Variants in MCFD2 observed in about 807,000 individuals in gnomAD.
The protein encoded by MCFD2 is multiple coagulation factor deficiency 2, ER cargo receptor complex subunit.
In MCFD2, 11 loss-of-function variants were observed where a neutral mutation model predicts 12.8. The observed-to-expected ratio is 0.86, with a 90% CI of 0.54 to 1.42. The LOEUF (loss-of-function observed/expected upper bound fraction) is 1.42. MCFD2 is among the 40% of genes most tolerant of loss of function. The pLI, the probability that MCFD2 is intolerant of heterozygous loss-of-function variation, is 0.00. For missense variants in MCFD2, 191 were observed against 178.6 expected, an observed-to-expected ratio of 1.07 and a Z score of -0.40; for synonymous variants, 70 against 68.1, an observed-to-expected ratio of 1.03 and a Z score of -0.14.
chr2:46,940,665 T>C lies in MCFD2; in HGVS notation c.-8+907A>G, dbSNP rs1185603112. On this transcript the variant is annotated intron_variant, in intron 1 of 2. Coordinates refer to the MCFD2 transcript ENST00000409147. This position sits in a 1 kb window ranked among gnomAD's most constrained non-coding sequence, Gnocchi z 4.7. ...AGGTCAACGGGTTAGGGAAGTCAAG[T>C]TGGAAAGAGGAACTCCGCTAAAATA... 7.2e-5 allele frequency among the ~76,000 whole-genome samples: 11 copies of C among 152,170 alleles called. No individual in the cohort carries two copies. Among genetic ancestry groups the C allele is most frequent in the African/African-American group, 2.7e-4 (11 of 41,438 alleles).
upstream of MCFD2, chr2:46,916,078 A>T (rs1668771107): frequency 1.0e-6 from 1 of 985,380 alleles, no homozygotes; most frequent in Non-Finnish European, 1.2e-6. Context: ...GCCCTCAGGA[A>T]CGTAGTTCCA....
chr2:46,936,141 C>G (rs1256658881), intron 1 of MCFD2, among the ~76,000 whole-genome samples: 2 of 152,100 alleles, frequency 1.3e-5, no homozygotes, highest in African/African-American at 4.8e-5. Flanking sequence ...ATTTAGCTTC[C>G]CAAATACTGA....
At chr2:46,925,252 A>C (rs1190927512) in intron 1 of MCFD2, among the ~76,000 whole-genome samples, 1 of 152,110 alleles carries the variant, frequency 6.6e-6, no homozygotes, top group Non-Finnish European at 1.5e-5. Context: ...CACCACACCC[A>C]CTTGTTTTTT....
Position 46,905,468 on chromosome 2 carries a change from G to T in MCFD2, c.436C>A (p.Gln146Lys), listed in dbSNP as rs765992456. 30 of 1,612,284 alleles carry T rather than the reference G, an allele frequency of 1.9e-5. No homozygotes were observed. The highest frequency in any genetic ancestry group is 2.5e-5 in the Non-Finnish European group (30 of 1,179,896). Residue 146 changes from glutamine (Q) to lysine (K), a missense_variant, in exon 4 of 4, where the codon CAG becomes AAG. By Grantham distance (53) the Gln-to-Lys change is moderately conservative. Coordinates refer to ENST00000319466, the MANE Select transcript of MCFD2 (RefSeq NM_139279.6). Reference sequence around the variant, plus strand: ...AGGAGATGGCCAAATAACATCTACTGCAGTGATTTTGCAAATTCAGCATAG... The same window carrying T: ...AGGAGATGGCCAAATAACATCTACTTCAGTGATTTTGCAAATTCAGCATAG... ...IDYAEFAKSL[Q>K]
In MCFD2 at chr2:46,904,915, G is replaced by T. The variant is rs1241984267; in HGVS notation, c.*548C>A. The T allele has an allele frequency of 1.0e-5, 2 of 196,206 alleles. No homozygotes were observed. The highest frequency in any genetic ancestry group is 2.6e-4 in the East Asian group (2 of 7,790). The allele number at this position is 196,206 out of a possible 1,614,324, so 12.2% of individuals were successfully genotyped here. On this transcript the variant is annotated 3_prime_UTR_variant, in exon 4 of 4. Coordinates refer to ENST00000319466, the MANE Select transcript of MCFD2 (RefSeq NM_139279.6). ...CCCACCCAAATCTCAACTTGAAATT[G>T]TATCTACCAGAATTCCCACGTGTTG...
chr2:46,932,266 C>T (rs1669745904), intron 1 of MCFD2, among the ~76,000 whole-genome samples: 1 of 151,918 alleles, frequency 6.6e-6, no homozygotes, highest in Non-Finnish European at 1.5e-5. Flanking sequence ...TCCTGTGCCT[C>T]AGCCTCCCAA....
chr2:46,930,645 G>A (rs1038063596), intron 1 of MCFD2, among the ~76,000 whole-genome samples: 14 of 151,884 alleles, frequency 9.2e-5, no homozygotes, highest in South Asian at 2.1e-4. Context: ...GATTACAGGC[G>A]CCTGCAACCA....
intron 1 of MCFD2, among the ~76,000 whole-genome samples, chr2:46,938,942 C>T (rs939266710): frequency 1.3e-5 from 2 of 149,260 alleles, no homozygotes; most frequent in Admixed American, 6.8e-5. Flanking sequence ...ACCTGGGAGG[C>T]GGAGGTTGTT....
Position 46,941,852 on chromosome 2 carries a change from G to C in MCFD2, c.-288C>G. 3.2e-6 allele frequency: 4 copies of C among 1,239,300 alleles called. No individual in the cohort carries two copies. Among genetic ancestry groups the C allele is most frequent in the Middle Eastern group, 2.8e-4 (1 of 3,636 alleles). 76.8% of individuals were successfully genotyped at this position (1,239,300 alleles called of 1,614,324 possible). A position where few individuals can be genotyped will look rare whatever the true frequency, so the allele number is the denominator to read the frequency against. Reference sequence around the variant, plus strand: ...TGCCAGCCCACCGTGCTAGTCTTAAGAGCAGCCAGGGCAGTTAGGAAGGTC... The same window carrying C: ...TGCCAGCCCACCGTGCTAGTCTTAACAGCAGCCAGGGCAGTTAGGAAGGTC... On this transcript the variant is annotated 5_prime_UTR_variant, in exon 1 of 3. Transcript: ENST00000409147. This position sits in a 1 kb window ranked among gnomAD's most constrained non-coding sequence, Gnocchi z 4.2.
Position 46,904,481 on chromosome 2 carries a change from A to T in MCFD2, c.*982T>A, listed in dbSNP as rs1164226403. The T allele has an allele frequency of 6.6e-6, 1 of 152,396 alleles. No homozygotes were observed. Among genetic ancestry groups the T allele is most frequent in the East Asian group, 1.9e-4 (1 of 5,190 alleles). The allele number at this position is 152,396 out of a possible 1,614,324, so 9.4% of individuals were successfully genotyped here. ...AGCCACAGGGGCAGAGCTGCCCAAG[A>T]CCATGGGAACCCACTTCTTGCATCA... On this transcript the variant is annotated 3_prime_UTR_variant, in exon 4 of 4. Coordinates refer to ENST00000319466, the MANE Select transcript of MCFD2 (RefSeq NM_139279.6).
Position 46,937,041 on chromosome 2 carries a change from A to G in MCFD2, c.-8+4531T>C, listed in dbSNP as rs1670013976. Among the ~76,000 whole-genome samples the G allele has an allele frequency of 6.6e-6, 1 of 151,946 alleles. No individual in the cohort carries two copies. Among genetic ancestry groups the G allele is most frequent in the Non-Finnish European group, 1.5e-5 (1 of 67,988 alleles). On this transcript the variant is annotated intron_variant, in intron 1 of 2. Transcript: ENST00000409147. This position sits in a 1 kb window ranked among gnomAD's most constrained non-coding sequence, Gnocchi z 4.0. ...AGGCTAATTTTTGTATTTTTTGTAG[A>G]GATGGGTTTTTGCCATATTGCCCAG...
chr2:46,906,329 C>T (rs1572607307), intron 3 of MCFD2, among the ~76,000 whole-genome samples: 1 of 152,288 alleles, frequency 6.6e-6, no homozygotes, highest in East Asian at 1.9e-4. Context: ...TGTGCAAAAT[C>T]ATTCATGCTC....
chr2:46,940,857 C>T lies in MCFD2; in HGVS notation c.-8+715G>A, dbSNP rs970787525. 1.5e-4 allele frequency among the ~76,000 whole-genome samples: 23 copies of T among 152,154 alleles called. No individual in the cohort carries two copies. In the East Asian group the frequency reaches 4.3e-3, roughly 28 times the overall value. On this transcript the variant is annotated intron_variant, in intron 1 of 2. Coordinates refer to the MCFD2 transcript ENST00000409147. This position sits in a 1 kb window ranked among gnomAD's most constrained non-coding sequence, Gnocchi z 4.7. ...GTCGGGGTTGGGGCCTGTCGGCCGG[C>T]CTCTCCCCATTTTTGTGACGTGTCA...
intron 3 of MCFD2, among the ~76,000 whole-genome samples, chr2:46,906,542 G>A (rs12612856): frequency 0.69 from 98,876 of 143,634 alleles, 34,842 homozygotes; most frequent in African/African-American, 0.85. Flanking sequence ...CTGGAGTCCA[G>A]TAGCACGATC....
chr2:46,907,714 G>T lies in MCFD2; in HGVS notation c.309+96C>A. On this transcript the variant is annotated intron_variant, in intron 3 of 3. Coordinates refer to ENST00000319466, the MANE Select transcript of MCFD2 (RefSeq NM_139279.6). This position sits in a 1 kb window ranked among gnomAD's most constrained non-coding sequence, Gnocchi z 4.1. ...GCCCAGTGGAGAAGCAGCACTCTTGGCACATAAGGACAACACAAGTCAACA... is the reference window on the plus strand; with the variant it reads ...GCCCAGTGGAGAAGCAGCACTCTTGTCACATAAGGACAACACAAGTCAACA... 1.5e-6 allele frequency: 2 copies of T among 1,337,972 alleles called. No homozygotes were observed. The highest frequency in any genetic ancestry group is 2.1e-6 in the Non-Finnish European group (2 of 939,116). 82.9% of individuals were successfully genotyped at this position (1,337,972 alleles called of 1,614,324 possible).
chr2:46,916,187 T>G, upstream of MCFD2: 19 of 981,496 alleles, frequency 1.9e-5, no homozygotes, highest in East Asian at 1.1e-4. Context: ...TTCAGGTCTC[T>G]TGGTTCGTCC....
At chr2:46,915,996 C>T (rs963251986), upstream of MCFD2, 2 of 985,402 alleles carry the variant, frequency 2.0e-6, no homozygotes, top group Non-Finnish European at 2.4e-6. Context: ...TTCCCAAGGG[C>T]GACACTCGGC....
chr2:46,930,068 G>C (rs1484462360), intron 1 of MCFD2, among the ~76,000 whole-genome samples: 2 of 152,012 alleles, frequency 1.3e-5, no homozygotes, highest in African/African-American at 2.4e-5. Flanking sequence ...ATTTTGGGGG[G>C]AGTTTTTTAC....
chr2:46,925,125 T>C (rs1471293574), intron 1 of MCFD2, among the ~76,000 whole-genome samples: 1 of 152,252 alleles, frequency 6.6e-6, no homozygotes, highest in Admixed American at 6.5e-5. Context: ...ATTATTTATT[T>C]ATTTATTTCA....
Sources: allele counts gnomAD v4.1 joint callset (sites outside exome capture counted in the v4.1 genomes callset), GRCh38; gene constraint gnomAD v4.1.1; non-coding constraint Gnocchi (gnomAD v3.1); transcripts MANE v1.5; gene names NCBI Gene and HGNC (gene_info 2026-07-23, HGNC 2026-07-21).